ZNF827: variants seen among roughly 807,000 people sequenced by gnomAD.
ZNF827 encodes zinc finger protein 827.
A neutral mutation model predicts 102.4 loss-of-function variants in ZNF827; 13 were observed. The ratio of observed to expected loss-of-function variants is 0.13; its 90% confidence interval spans 0.08 to 0.20. ZNF827 has a LOEUF of 0.20. Ranked by LOEUF, ZNF827 falls within the 10% of genes least tolerant of loss-of-function variation. The pLI, the probability that ZNF827 is intolerant of heterozygous loss-of-function variation, is 1.00. For missense variants in ZNF827, 1,103 were observed against 1,344.4 expected, an observed-to-expected ratio of 0.82 and a Z score of 2.81; for synonymous variants, 523 against 536.2, an observed-to-expected ratio of 0.98 and a Z score of 0.34.
At chr4:145,922,201 T>C (rs1297580810) in intron 1 of ZNF827, among the ~76,000 whole-genome samples, 2 of 152,212 alleles carry the variant, frequency 1.3e-5, no homozygotes, top group African/African-American at 4.8e-5. Context: ...TGCACCAAGA[T>C]GTGGCATTTC....
intron 1 of ZNF827, among the ~76,000 whole-genome samples, chr4:145,932,560 C>T (rs1241970758): frequency 1.3e-5 from 2 of 151,862 alleles, no homozygotes; most frequent in African/African-American, 4.8e-5. Context: ...CTGCAAACTC[C>T]GCCTCCCGGG....
intron 1 of ZNF827, among the ~76,000 whole-genome samples, chr4:145,929,705 T>C (rs958889455): frequency 6.6e-6 from 1 of 152,190 alleles, no homozygotes; most frequent in African/African-American, 2.4e-5. Context: ...ATACCTGTAA[T>C]CTATTCACAA....
chr4:145,799,479 A>T (rs1740677101), intron 8 of ZNF827, among the ~76,000 whole-genome samples: 1 of 152,232 alleles, frequency 6.6e-6, no homozygotes, highest in Non-Finnish European at 1.5e-5. Context: ...CATCACAGAC[A>T]CTGTCACAGT....
chr4:145,810,821 A>C (rs754301421), intron 8 of ZNF827, among the ~76,000 whole-genome samples: 1 of 152,060 alleles, frequency 6.6e-6, no homozygotes, highest in Non-Finnish European at 1.5e-5. Flanking sequence ...ACCTATGTGC[A>C]TTTAGTTTGT....
intron 4 of ZNF827, among the ~76,000 whole-genome samples, chr4:145,873,186 C>T (rs895513086): frequency 9.2e-5 from 14 of 152,044 alleles, no homozygotes; most frequent in Admixed American, 5.2e-4. Context: ...CCACCCGCTT[C>T]GGCCTCCCAA....
intron 1 of ZNF827, among the ~76,000 whole-genome samples, chr4:145,936,081 C>A (rs1754144724): frequency 6.6e-6 from 1 of 152,184 alleles, no homozygotes. Context: ...AAGTTGCCAT[C>A]TAAGGGCAAG....
At chr4:145,888,981 G>A (rs916562259) in intron 3 of ZNF827, among the ~76,000 whole-genome samples, 3 of 152,128 alleles carry the variant, frequency 2.0e-5, no homozygotes, top group African/African-American at 7.2e-5. Flanking sequence ...TAATACAAAT[G>A]CAGTAAGTAC....
Position 145,903,194 on chromosome 4 carries a change from G to T in ZNF827, c.65C>A (p.Ala22Glu), listed in dbSNP as rs755365344. The T allele has an allele frequency of 9.9e-6, 16 of 1,609,718 alleles. No individual in the cohort carries two copies. The highest frequency in any genetic ancestry group is 5.3e-5 in the African/African-American group (4 of 74,826). The stretch of plus-strand genomic sequence containing the variant: ...TTCTCCTTCACTGAGCTCTCCCTCC[G>T]CCTCTTCCTGCCTACTAACATCTGG... ...LPSHVSRQEEAEGELSEGEHW... is the reference protein window; with the variant it reads ...LPSHVSRQEEEEGELSEGEHW... The change falls in exon 2 of 15, where the codon GCG becomes GAG. Residue 22 changes from alanine to glutamate, a missense_variant. Transcript: ENST00000508784.
intron 8 of ZNF827, among the ~76,000 whole-genome samples, chr4:145,796,210 T>A (rs1457752727): frequency 1.3e-5 from 2 of 152,220 alleles, no homozygotes; most frequent in African/African-American, 4.8e-5. Flanking sequence ...ATTTCGATTA[T>A]CAGCTTGAAA....
intron 7 of ZNF827, among the ~76,000 whole-genome samples, chr4:145,837,614 C>T (rs528588966): frequency 2.0e-4 from 30 of 152,330 alleles, no homozygotes; most frequent in Non-Finnish European, 2.9e-4. Context: ...CTGATATCTC[C>T]TGGTGCTATC....
chr4:145,842,639 T>C (rs1047934727), intron 7 of ZNF827, among the ~76,000 whole-genome samples: 1 of 152,154 alleles, frequency 6.6e-6, no homozygotes, highest in Non-Finnish European at 1.5e-5. Flanking sequence ...CTCATGTCCT[T>C]GGATATCCAG....
At chr4:145,929,020 T>C (rs933084774) in intron 1 of ZNF827, among the ~76,000 whole-genome samples, 2 of 152,204 alleles carry the variant, frequency 1.3e-5, no homozygotes, top group African/African-American at 2.4e-5. Context: ...AGCTGGAAAT[T>C]TGGATTTTTA....
intron 1 of ZNF827, among the ~76,000 whole-genome samples, chr4:145,906,586 G>A (rs1751888593): frequency 6.6e-6 from 1 of 152,186 alleles, no homozygotes; most frequent in Admixed American, 6.5e-5. Flanking sequence ...TGTGCAAACA[G>A]GTAAGTGTGC....
intron 5 of ZNF827, among the ~76,000 whole-genome samples, chr4:145,859,292 A>C (rs1747478821): frequency 6.6e-6 from 1 of 152,212 alleles, no homozygotes; most frequent in Admixed American, 6.5e-5. Context: ...GCAGCTCAAT[A>C]AATATCTGCT....
intron 2 of ZNF827, among the ~76,000 whole-genome samples, chr4:145,899,211 C>T (rs1285038961): frequency 6.6e-6 from 1 of 152,032 alleles, no homozygotes; most frequent in South Asian, 2.1e-4. Flanking sequence ...ATGACTCTCA[C>T]CACATTTCCA....
intron 1 of ZNF827, among the ~76,000 whole-genome samples, chr4:145,913,827 T>G (rs1191607825): frequency 6.6e-6 from 1 of 152,206 alleles, no homozygotes; most frequent in Admixed American, 6.5e-5. Context: ...TTTGTATAAA[T>G]GTTTTCATTT....
intron 8 of ZNF827, among the ~76,000 whole-genome samples, chr4:145,792,669 C>T (rs764362637): frequency 3.9e-4 from 60 of 152,198 alleles, no homozygotes; most frequent in Non-Finnish European, 2.5e-4. Flanking sequence ...GCTGGGATTA[C>T]AGGTCTGAGC....
At chr4:145,782,341 T>C (rs1391717782) in intron 8 of ZNF827, among the ~76,000 whole-genome samples, 1 of 152,164 alleles carries the variant, frequency 6.6e-6, no homozygotes, top group Non-Finnish European at 1.5e-5. Context: ...AAAGGCCCGT[T>C]CTTTTTTCCA....
chr4:145,917,688 A>G (rs1752753637), intron 1 of ZNF827, among the ~76,000 whole-genome samples: 1 of 138,362 alleles, frequency 7.2e-6, no homozygotes, highest in African/African-American at 2.8e-5. Flanking sequence ...GCTCAACTCC[A>G]AGGTAGCTGG....
Sources: allele counts gnomAD v4.1 joint callset (sites outside exome capture counted in the v4.1 genomes callset), GRCh38; gene constraint gnomAD v4.1.1; transcripts MANE v1.5; gene names NCBI Gene and HGNC (gene_info 2026-07-23, HGNC 2026-07-21).